SUSD4: variants seen among roughly 807,000 people sequenced by gnomAD.
SUSD4 encodes sushi domain containing 4, also known as sushi domain-containing protein 4.
SUSD4 carries 41 observed loss-of-function variants against 50.5 expected under a neutral mutation model. The observed-to-expected ratio is 0.81, with a 90% CI of 0.63 to 1.05. The LOEUF is 1.05. Among genes scored for constraint, SUSD4 ranks in the 50% least tolerant of loss-of-function variants. The pLI is 0.00. For missense variants in SUSD4, 580 were observed against 634.7 expected, an observed-to-expected ratio of 0.91 and a Z score of 0.93; for synonymous variants, 257 against 257.3, an observed-to-expected ratio of 1.00 and a Z score of 0.01.
intron 3 of SUSD4, among the ~76,000 whole-genome samples, chr1:223,271,036 T>C (rs1348138252): frequency 6.6e-6 from 1 of 151,622 alleles, no homozygotes; most frequent in Non-Finnish European, 1.5e-5. Flanking sequence ...GTTTTTTCAA[T>C]CGCACTCTAC....
intron 7 of SUSD4, among the ~76,000 whole-genome samples, chr1:223,225,253 G>C (rs961447192): frequency 2.0e-5 from 3 of 152,144 alleles, no homozygotes; most frequent in Non-Finnish European, 4.4e-5. Flanking sequence ...AGAAGACCCA[G>C]CTGGGTGGGC....
chr1:223,351,889 A>T (rs1668387762), intron 2 of SUSD4, among the ~76,000 whole-genome samples: 1 of 152,080 alleles, frequency 6.6e-6, no homozygotes, highest in Non-Finnish European at 1.5e-5. Flanking sequence ...TTGCATTTCC[A>T]TGGACGTTAG....
chr1:223,303,572 T>A (rs1338542244), intron 2 of SUSD4, among the ~76,000 whole-genome samples: 3 of 152,188 alleles, frequency 2.0e-5, no homozygotes, highest in Non-Finnish European at 4.4e-5. Flanking sequence ...CAGCCCGCAA[T>A]GCAATGGGGC....
intron 5 of SUSD4, among the ~76,000 whole-genome samples, chr1:223,250,497 T>G (rs1383374486): frequency 1.3e-5 from 2 of 152,158 alleles, no homozygotes; most frequent in Non-Finnish European, 2.9e-5. Context: ...TTGCCCAAGG[T>G]CATCTAGCAA....
intron 5 of SUSD4, chr1:223,235,170 A>G: frequency 6.8e-7 from 1 of 1,461,312 alleles, no homozygotes; most frequent in Non-Finnish European, 9.2e-7. Flanking sequence ...AAAAACCTAA[A>G]GCCCTTTTCT....
intron 2 of SUSD4, among the ~76,000 whole-genome samples, chr1:223,356,054 G>A (rs1380672855): frequency 6.6e-6 from 1 of 152,094 alleles, no homozygotes; most frequent in African/African-American, 2.4e-5. Context: ...ATAATGTCAA[G>A]AATTATTTTG....
chr1:223,272,560 G>T (rs1030838508), intron 3 of SUSD4, among the ~76,000 whole-genome samples: 7 of 152,142 alleles, frequency 4.6e-5, no homozygotes, highest in African/African-American at 1.7e-4. Flanking sequence ...GCCATACATA[G>T]GATTTACTGT....
chr1:223,223,164 G>A, intron 8 of SUSD4, 85 bp downstream of exon 8: 3 of 1,483,346 alleles, frequency 2.0e-6, no homozygotes, highest in Non-Finnish European at 2.7e-6. Flanking sequence ...CTGGGGGGTG[G>A]AGCGTGCGTA....
intron 7 of SUSD4, among the ~76,000 whole-genome samples, chr1:223,226,556 C>T (rs556766820): frequency 1.3e-5 from 2 of 152,342 alleles, no homozygotes; most frequent in African/African-American, 4.8e-5. Flanking sequence ...ATTTCCTTCA[C>T]TCCTCTCACA....
intron 2 of SUSD4, among the ~76,000 whole-genome samples, chr1:223,355,326 G>T (rs950346883): frequency 6.6e-5 from 10 of 151,468 alleles, no homozygotes; most frequent in African/African-American, 2.4e-4. Flanking sequence ...CACCTGCCTC[G>T]GTCTCCCAAA....
chr1:223,333,151 G>A (rs562529209), intron 2 of SUSD4, among the ~76,000 whole-genome samples: 4 of 151,806 alleles, frequency 2.6e-5, no homozygotes, highest in South Asian at 2.1e-4. Context: ...TTACGGTGAC[G>A]GCAAAATGGT....
intron 2 of SUSD4, among the ~76,000 whole-genome samples, chr1:223,342,561 A>C (rs965835604): frequency 3.3e-5 from 5 of 152,220 alleles, no homozygotes; most frequent in African/African-American, 9.6e-5. Context: ...GAGACATCAA[A>C]TCAATGGAAT....
chr1:223,363,238 G>A (rs1669100428), intron 2 of SUSD4, 40 bp downstream of exon 2: 1 of 1,510,044 alleles, frequency 6.6e-7, no homozygotes, highest in African/African-American at 1.4e-5. Context: ...CTCCCCTCTG[G>A]GCCATCCCCA....
Position 223,324,021 on chromosome 1 carries a change from C to T in SUSD4, c.149-31370G>A, listed in dbSNP as rs889259693. 5.9e-5 allele frequency among the ~76,000 whole-genome samples: 9 copies of T among 151,762 alleles called. No homozygotes were observed. The South Asian group carries it at 1.7e-3, about 28-fold the overall frequency. On this transcript the variant is annotated intron_variant, in intron 2 of 8. Coordinates refer to ENST00000366878, the MANE Select transcript of SUSD4 (RefSeq NM_017982.4). ...CTGTGGATGTGAGGTTTCATTGCCA[C>T]ATGAAAAGCCACAGGAAGTAAAGAG...
At chr1:223,233,046 G>A (rs1350159581) in intron 5 of SUSD4, among the ~76,000 whole-genome samples, 3 of 152,162 alleles carry the variant, frequency 2.0e-5, no homozygotes, top group Non-Finnish European at 4.4e-5. Context: ...GCACTACCAG[G>A]CTCCTTATGC....
chr1:223,333,982 C>G (rs1667318131), intron 2 of SUSD4, among the ~76,000 whole-genome samples: 1 of 152,108 alleles, frequency 6.6e-6, no homozygotes, highest in Non-Finnish European at 1.5e-5. Flanking sequence ...GAATCTCAGC[C>G]CAGTCAATTT....
intron 2 of SUSD4, among the ~76,000 whole-genome samples, chr1:223,308,544 C>T (rs1665686435): frequency 6.6e-6 from 1 of 151,978 alleles, no homozygotes; most frequent in Non-Finnish European, 1.5e-5. Context: ...GTGAGAATGG[C>T]CTAATACATT....
chr1:223,268,553 C>T lies in SUSD4; in HGVS notation c.484G>A (p.Val162Ile), dbSNP rs1414323522. 6.2e-7 allele frequency: 1 copy of T among 1,614,112 alleles called. No individual in the cohort carries two copies. Residue 162 changes from valine to isoleucine, a missense_variant, in exon 4 of 9, where the codon GTT becomes ATT. By Grantham distance (29) the Val-to-Ile change is conservative (BLOSUM62 3). Coordinates refer to ENST00000366878, the MANE Select transcript of SUSD4 (RefSeq NM_017982.4). The part of the protein sequence containing the change: ...KIRYPDLHNM[V>I]SLCRDDGTWN... Reference sequence around the variant, plus strand: ...GTTCCATCATCGCGACATAATGAAACCATATTGTGTAGGTCGGGGTACCGG... The same window carrying T: ...GTTCCATCATCGCGACATAATGAAATCATATTGTGTAGGTCGGGGTACCGG...
chr1:223,257,111 C>T (rs1661747753), intron 5 of SUSD4, among the ~76,000 whole-genome samples: 1 of 152,022 alleles, frequency 6.6e-6, no homozygotes. Context: ...AAGCATGTGC[C>T]GGGGCTAGGA....
Sources: allele counts gnomAD v4.1 joint callset (sites outside exome capture counted in the v4.1 genomes callset), GRCh38; gene constraint gnomAD v4.1.1; transcripts MANE v1.5; gene names NCBI Gene and HGNC (gene_info 2026-07-23, HGNC 2026-07-21).